The following PARN variants were observed in gnomAD, a reference collection of about 807,000 sequenced individuals.
The protein encoded by PARN is poly(A)-specific ribonuclease.
A neutral mutation model predicts 102.8 loss-of-function variants in PARN; 71 were observed. That is an observed-to-expected ratio of 0.69 (90% CI 0.57 to 0.84). PARN has a LOEUF of 0.84. Ranked by LOEUF, PARN falls within the 40% of genes least tolerant of loss-of-function variation. PARN has a pLI of 0.00. For synonymous variants in PARN, 261 were observed against 252.9 expected, an observed-to-expected ratio of 1.03 and a Z score of -0.30; for missense variants, 782 against 760.9, an observed-to-expected ratio of 1.03 and a Z score of -0.33.
chr16:14,606,635 C>T (rs911568314), intron 9 of PARN, 109 bp from the exon 10 acceptor site: 2 of 575,752 alleles, frequency 3.5e-6, no homozygotes, highest in South Asian at 2.4e-5. Flanking sequence ...TTATTAACTA[C>T]AAAATAATTA....
At chr16:14,481,970 A>G (rs1963407403) in intron 22 of PARN, among the ~76,000 whole-genome samples, 1 of 152,176 alleles carries the variant, frequency 6.6e-6, no homozygotes, top group Admixed American at 6.5e-5. Flanking sequence ...AGCTCAGGAG[A>G]TCAGGCAGAG....
intron 21 of PARN, among the ~76,000 whole-genome samples, chr16:14,493,300 C>T (rs1443697798): frequency 3.9e-5 from 6 of 152,138 alleles, no homozygotes; most frequent in African/African-American, 1.4e-4. Context: ...ACTGTAGCCT[C>T]GAGTTTCTGG....
chr16:14,586,341 C>G lies in PARN; in HGVS notation c.939G>C (p.Glu313Asp). The change falls in exon 14 of 24, where the codon GAG (glutamate) becomes GAC (aspartate). Residue 313 changes from glutamate to aspartate, a missense_variant. Glu to Asp is a conservative substitution (Grantham distance 45). Coordinates refer to ENST00000437198, the MANE Select transcript of PARN (RefSeq NM_002582.4). ...PLPADLSEFK[E>D]MTTCVFPRLL... Reference sequence around the variant, plus strand: ...ACCTGGGGAAAACACATGTTGTCATCTCTTTAAACTCACTTAAGTCCTAAA... The same window carrying G: ...ACCTGGGGAAAACACATGTTGTCATGTCTTTAAACTCACTTAAGTCCTAAA... 1 of 1,546,134 alleles carries G rather than the reference C, an allele frequency of 6.5e-7. No individual in the cohort carries two copies. Among genetic ancestry groups the G allele is most frequent in the Non-Finnish European group, 8.8e-7 (1 of 1,137,832 alleles).
At chr16:14,469,382 C>A (rs1394821062) in intron 22 of PARN, among the ~76,000 whole-genome samples, 3 of 152,136 alleles carry the variant, frequency 2.0e-5, no homozygotes, top group African/African-American at 7.2e-5. Context: ...AGATTTGAGT[C>A]CTTTTGCATT....
chr16:14,527,027 C>A (rs1966046383), intron 21 of PARN, among the ~76,000 whole-genome samples: 1 of 152,232 alleles, frequency 6.6e-6, no homozygotes, highest in South Asian at 2.1e-4. Context: ...AGTCTTGCAG[C>A]TATATTCTAT....
In PARN at chr16:14,606,466, G is replaced by C. The variant is rs1413060694; in HGVS notation, c.702+18C>G. ...ATGGATGTGTTTAATGTTAGCCCTA[G>C]ATAATTCTTGGGGTTACCTTTTCAG... On this transcript the variant is annotated intron_variant, in intron 10 of 23. Coordinates refer to ENST00000437198, the MANE Select transcript of PARN (RefSeq NM_002582.4). 1.4e-6 allele frequency: 2 copies of C among 1,476,554 alleles called. No individual in the cohort carries two copies. Among genetic ancestry groups the C allele is most frequent in the African/African-American group, 1.4e-5 (1 of 71,778 alleles). 91.5% of individuals were successfully genotyped at this position (1,476,554 alleles called of 1,614,324 possible).
At position 14,436,430 on chromosome 16, in the gene PARN, G is replaced by A. The variant is rs1960698607; in HGVS notation, c.*287C>T. The A allele has an allele frequency of 6.3e-6, 3 of 474,796 alleles. No homozygotes were observed. Among genetic ancestry groups the A allele is most frequent in the Admixed American group, 3.7e-5 (1 of 27,106 alleles). 29.4% of individuals were successfully genotyped at this position (474,796 alleles called of 1,614,324 possible). A position where few individuals can be genotyped will look rare whatever the true frequency, so the allele number is the denominator to read the frequency against. On this transcript the variant is annotated 3_prime_UTR_variant, in exon 24 of 24. Transcript: ENST00000437198. ...TTCTTAAGCACACTGGGTCATGACA[G>A]GAAAGGCCTCACAAGAGCAACACGG...
chr16:14,562,564 C>T (rs958228616), intron 18 of PARN, among the ~76,000 whole-genome samples: 8 of 151,634 alleles, frequency 5.3e-5, no homozygotes, highest in Non-Finnish European at 8.8e-5. Context: ...GGAGGCCAAA[C>T]TGTAGCATGC....
intron 22 of PARN, among the ~76,000 whole-genome samples, chr16:14,470,078 A>C (rs979399583): frequency 2.6e-5 from 4 of 152,236 alleles, no homozygotes; most frequent in Non-Finnish European, 4.4e-5. Flanking sequence ...TATAACATGA[A>C]GGTATAGAAA....
rs1200600115 is a variant in PARN, at chr16:14,608,890, C to T, written c.620+168G>A. Among the ~76,000 whole-genome samples the T allele has an allele frequency of 2.0e-5, 3 of 152,190 alleles. No individual in the cohort carries two copies. The East Asian group carries it at 5.8e-4, about 29-fold the overall frequency. ...CATTCATTCAGTGTCTCAGTATACA[C>T]AGTCATCCCCACTGTGTAACGCTAA... is the stretch of plus-strand genomic sequence containing the variant. On this transcript the variant is annotated intron_variant, in intron 8 of 23. Transcript: ENST00000437198.
At chr16:14,587,738 A>G (rs1003609223) in intron 13 of PARN, among the ~76,000 whole-genome samples, 8 of 152,226 alleles carry the variant, frequency 5.3e-5, no homozygotes, top group African/African-American at 1.9e-4. Flanking sequence ...CCAGAACATA[A>G]AGAAGTTAAG....
At chr16:14,472,341 A>G (rs1332072146) in intron 22 of PARN, among the ~76,000 whole-genome samples, 1 of 152,184 alleles carries the variant, frequency 6.6e-6, no homozygotes. Flanking sequence ...TACTCTTTTG[A>G]GAACAGGCTG....
chr16:14,608,402 C>T (rs918652625), intron 8 of PARN, 83 bp from the exon 9 acceptor site: 6 of 922,944 alleles, frequency 6.5e-6, no homozygotes, highest in East Asian at 2.7e-5. Flanking sequence ...AGAAGGATTT[C>T]GCTTTAAAAA....
intron 18 of PARN, among the ~76,000 whole-genome samples, chr16:14,576,852 T>C (rs375443197): frequency 1.3e-5 from 2 of 152,196 alleles, no homozygotes; most frequent in Admixed American, 6.5e-5. Context: ...AAAACCCTTA[T>C]GGGACATTCT....
At chr16:14,548,729 C>T (rs562422513) in intron 21 of PARN, among the ~76,000 whole-genome samples, 47 of 152,200 alleles carry the variant, frequency 3.1e-4, no homozygotes, top group African/African-American at 1.1e-3. Flanking sequence ...CTGAGATAGG[C>T]GGATCACTTG....
chr16:14,451,869 C>CAAAAAAAAAAAAAAAAAAAAAAAAAAAA (rs869041563), intron 22 of PARN, among the ~76,000 whole-genome samples: 53 of 52,494 alleles, frequency 1.0e-3, no homozygotes, highest in East Asian at 2.9e-3. Flanking sequence ...AAAAAAAATA[C>CAAAAAAAAAAAAAAAAAAAAAAAAAAAA]AAAAAAAAAA....
At chr16:14,539,033 T>C (rs1966738624) in intron 21 of PARN, among the ~76,000 whole-genome samples, 1 of 152,218 alleles carries the variant, frequency 6.6e-6, no homozygotes, top group African/African-American at 2.4e-5. Flanking sequence ...CCAATGATTC[T>C]ACATTATGGT....
At chr16:14,616,493 C>G (rs1170703462) in intron 6 of PARN, among the ~76,000 whole-genome samples, 1 of 152,236 alleles carries the variant, frequency 6.6e-6, no homozygotes, top group Non-Finnish European at 1.5e-5. Flanking sequence ...TGCCTGTAAT[C>G]CCAGCAGGCT....
At chr16:14,559,005 T>C (rs2151716199) in intron 18 of PARN, among the ~76,000 whole-genome samples, 1 of 152,202 alleles carries the variant, frequency 6.6e-6, no homozygotes, top group Non-Finnish European at 1.5e-5. Flanking sequence ...CTACCTCACC[T>C]GGCTGGGAGG....
Sources: allele counts gnomAD v4.1 joint callset (sites outside exome capture counted in the v4.1 genomes callset), GRCh38; gene constraint gnomAD v4.1.1; transcripts MANE v1.5; gene names NCBI Gene and HGNC (gene_info 2026-07-23, HGNC 2026-07-21).